The following PARG variants were observed in gnomAD, a reference collection of about 807,000 sequenced individuals.
The protein encoded by PARG is mitochondrial poly(ADP-ribose) glycohydrolase.
A neutral mutation model predicts 113.0 loss-of-function variants in PARG; 35 were observed. The observed-to-expected ratio is 0.31, with a 90% CI of 0.24 to 0.41. The LOEUF is 0.41. Among genes scored for constraint, PARG ranks in the 10% least tolerant of loss-of-function variants. The pLI is 1.00. For synonymous variants in PARG, 330 were observed against 409.9 expected (o/e 0.81, Z 2.36); for missense variants, 797 against 1,169.4 (o/e 0.68, Z 4.64).
intron 7 of PARG, among the ~76,000 whole-genome samples, chr10:49,886,604 C>T (rs1454257535): frequency 6.6e-6 from 1 of 151,812 alleles, no homozygotes; most frequent in African/African-American, 2.4e-5. Flanking sequence ...CTGGAGAAAA[C>T]AAAAAGTTGC....
At chr10:49,925,543 G>A (rs1157084282) in intron 4 of PARG, among the ~76,000 whole-genome samples, 1 of 152,160 alleles carries the variant, frequency 6.6e-6, no homozygotes, top group African/African-American at 2.4e-5. Flanking sequence ...ACCACCTTGG[G>A]CACATGTACT....
rs1218155358 is a variant in PARG at position 49,917,767 on chromosome 10, G to A, written c.1663-1776C>T. Reference sequence around the variant, plus strand: ...AAGGAGGTTGAGGTTGCAGTGAGCCGAGATTGCACCACTGCACTCCAGCCT... The same window carrying A: ...AAGGAGGTTGAGGTTGCAGTGAGCCAAGATTGCACCACTGCACTCCAGCCT... On this transcript the variant is annotated intron_variant, in intron 6 of 17. Transcript: ENST00000616448. 2.7e-5 allele frequency among the ~76,000 whole-genome samples: 4 copies of A among 147,986 alleles called. No individual in the cohort carries two copies. The South Asian group carries it at 6.4e-4, about 24-fold the overall frequency.
chr10:49,885,302 A>G lies in PARG; in HGVS notation c.1738-7T>C. On this transcript the variant is annotated splice_polypyrimidine_tract_variant and splice_region_variant and intron_variant, in intron 7 of 17. Coordinates refer to ENST00000616448, the MANE Select transcript of PARG (RefSeq NM_003631.5). ...CTTCTGCTTCTTCAAGTACCTGAAA[A>G]CCAATAAAATAAGTTATGTGAATAA... 1 of 1,549,514 alleles carries G rather than the reference A, an allele frequency of 6.5e-7. No homozygotes were observed. Among genetic ancestry groups the G allele is most frequent in the South Asian group, 1.1e-5 (1 of 89,688 alleles).
chr10:49,936,551 A>C (rs1275720621), intron 1 of PARG, among the ~76,000 whole-genome samples: 2 of 152,220 alleles, frequency 1.3e-5, no homozygotes, highest in Non-Finnish European at 2.9e-5. Flanking sequence ...CATTTTATAT[A>C]ATCATTAGAA....
intron 4 of PARG, among the ~76,000 whole-genome samples, chr10:49,927,382 GAAA>G (rs1838252345): frequency 2.7e-4 from 14 of 51,166 alleles, no homozygotes; most frequent in African/African-American, 4.8e-4. Flanking sequence ...AAGAAAGAAA[GAAA>G]GAAAGAAAGA....
intron 7 of PARG, among the ~76,000 whole-genome samples, chr10:49,897,005 CT>C (rs1258295187): frequency 6.6e-6 from 1 of 152,154 alleles, no homozygotes; most frequent in Non-Finnish European, 1.5e-5. Flanking sequence ...ATAGTCTCCC[CT>C]GTCTGTCATG....
intron 1 of PARG, 136 bp from the exon 2 acceptor site, chr10:49,935,278 T>C (rs1838692545): frequency 1.7e-6 from 1 of 578,166 alleles, no homozygotes; most frequent in South Asian, 2.4e-5. Context: ...CTCAAGTATA[T>C]GGGTAAGACA....
intron 13 of PARG, among the ~76,000 whole-genome samples, chr10:49,851,833 C>T (rs1845774938): frequency 1.3e-5 from 2 of 149,634 alleles, no homozygotes; most frequent in South Asian, 2.1e-4. Flanking sequence ...TAACTCTTTC[C>T]CTCTATCTAT....
At chr10:49,907,701 A>G (rs1836932202) in intron 7 of PARG, among the ~76,000 whole-genome samples, 1 of 152,226 alleles carries the variant, frequency 6.6e-6, no homozygotes, top group Admixed American at 6.5e-5. Flanking sequence ...ACATAAGAAG[A>G]ATAAATGCAA....
intron 2 of PARG, 146 bp from the exon 3 acceptor site, chr10:49,934,309 T>C (rs1244471558): frequency 1.7e-6 from 1 of 604,958 alleles, no homozygotes; most frequent in East Asian, 2.8e-5. Context: ...TGTCTTTGTA[T>C]GTGATCCCTA....
At chr10:49,858,331 TCA>T (rs3048417) in intron 12 of PARG, among the ~76,000 whole-genome samples, 26,856 of 144,672 alleles carry the variant, frequency 0.19, 1,545 homozygotes, top group Admixed American at 0.28. Context: ...AGGAGTTAGA[TCA>T]CACACACACA....
intron 7 of PARG, among the ~76,000 whole-genome samples, chr10:49,903,931 G>A (rs1324578882): frequency 1.3e-5 from 2 of 152,198 alleles, no homozygotes; most frequent in Non-Finnish European, 2.9e-5. Flanking sequence ...TGTGTAAGCA[G>A]CATGAAGGAT....
intron 8 of PARG, among the ~76,000 whole-genome samples, chr10:49,883,030 T>A (rs1432926636): frequency 2.0e-5 from 3 of 151,642 alleles, no homozygotes; most frequent in Admixed American, 2.0e-4. Context: ...CAAGAAGATA[T>A]GTTTTAAAAT....
At chr10:49,865,046 C>A (rs1349952451) in intron 11 of PARG, among the ~76,000 whole-genome samples, 2 of 149,338 alleles carry the variant, frequency 1.3e-5, no homozygotes, top group Admixed American at 6.7e-5. Context: ...TCTTCACATA[C>A]AACACTTCTC....
chr10:49,915,594 G>A (rs1404247762), intron 7 of PARG, among the ~76,000 whole-genome samples: 3 of 152,062 alleles, frequency 2.0e-5, no homozygotes, highest in Non-Finnish European at 4.4e-5. Context: ...CAATGTAACT[G>A]AAGGTAAAAC....
At chr10:49,911,533 T>A (rs755042789) in intron 7 of PARG, among the ~76,000 whole-genome samples, 2 of 152,214 alleles carry the variant, frequency 1.3e-5, no homozygotes, top group Non-Finnish European at 2.9e-5. Flanking sequence ...AAGACCAATA[T>A]TAGCCCTGAA....
chr10:49,823,678 A>G (rs1844217969), intron 16 of PARG, among the ~76,000 whole-genome samples: 1 of 152,184 alleles, frequency 6.6e-6, no homozygotes, highest in South Asian at 2.1e-4. Flanking sequence ...TCCACCAAGA[A>G]GTACCATTTC....
intron 16 of PARG, among the ~76,000 whole-genome samples, chr10:49,821,660 A>AATG (rs1844089336): frequency 2.0e-5 from 3 of 152,184 alleles, no homozygotes; most frequent in Non-Finnish European, 4.4e-5. Flanking sequence ...GATTACAGGC[A>AATG]TGCGCCAATG....
rs1845542699 is a variant in PARG, at chr10:49,846,990, G to A, written c.2354-3358C>T. 2.6e-5 allele frequency among the ~76,000 whole-genome samples: 4 copies of A among 151,566 alleles called. No homozygotes were observed. The South Asian group carries it at 6.3e-4, about 24-fold the overall frequency. On this transcript the variant is annotated intron_variant, in intron 13 of 17. Transcript: ENST00000616448. ...AAGGCACACAATAGTTAACTTGAAG[G>A]CATTCCCACTGATGGAATATGGGAC... is the stretch of plus-strand genomic sequence containing the variant.
Sources: allele counts gnomAD v4.1 joint callset (sites outside exome capture counted in the v4.1 genomes callset), GRCh38; gene constraint gnomAD v4.1.1; transcripts MANE v1.5; gene names NCBI Gene and HGNC (gene_info 2026-07-23, HGNC 2026-07-21).